The following NEGR1 variants were observed in gnomAD, a reference collection of about 807,000 sequenced individuals.
NEGR1 encodes neuronal growth regulator 1.
NEGR1 carries 10 observed loss-of-function variants against 40.9 expected under a neutral mutation model. The ratio of observed to expected loss-of-function variants is 0.24; its 90% CI spans 0.15 to 0.42. NEGR1 has a LOEUF of 0.42. Among genes scored for constraint, NEGR1 ranks in the 10% least tolerant of loss-of-function variants. NEGR1 has a pLI of 1.00. For synonymous variants in NEGR1, 185 were observed against 166.8 expected (o/e 1.11, Z -0.84); for missense variants, 352 against 438.9 (o/e 0.80, Z 1.77).
intron 2 of NEGR1, among the ~76,000 whole-genome samples, chr1:71,791,995 G>T (rs1657136440): frequency 6.6e-6 from 1 of 152,088 alleles, no homozygotes; most frequent in Admixed American, 6.6e-5. Flanking sequence ...TAGCTTTACA[G>T]CTCAACTTGG....
intron 1 of NEGR1, among the ~76,000 whole-genome samples, chr1:72,016,360 G>A (rs1344347820): frequency 6.6e-6 from 1 of 152,224 alleles, no homozygotes; most frequent in South Asian, 2.1e-4. Context: ...GATTAGTGAC[G>A]TTAACTCTTT....
chr1:72,263,262 G>A (rs948362152), intron 1 of NEGR1, among the ~76,000 whole-genome samples: 4 of 151,462 alleles, frequency 2.6e-5, no homozygotes, highest in African/African-American at 9.7e-5. Flanking sequence ...AACAGACTCT[G>A]CTAATCTCAA....
intron 3 of NEGR1, among the ~76,000 whole-genome samples, chr1:71,763,837 C>T (rs547992464): frequency 7.9e-5 from 12 of 151,946 alleles, no homozygotes; most frequent in Middle Eastern, 3.4e-3. Context: ...AAAACACTTG[C>T]TTGTGTGAAT....
chr1:72,259,983 T>C lies in NEGR1; in HGVS notation c.176+22336A>G, dbSNP rs971150237. Among the ~76,000 whole-genome samples, 10 of 152,246 alleles carry C rather than the reference T, an allele frequency of 6.6e-5. No individual in the cohort carries two copies. The South Asian group carries it at 1.0e-3, about 16-fold the overall frequency. ...TTCTCATTTAAAGTGATTTCTAAAATAATCAGCTGAAATATAACTTTAAAA... is the reference window on the plus strand; with the variant it reads ...TTCTCATTTAAAGTGATTTCTAAAACAATCAGCTGAAATATAACTTTAAAA... On this transcript the variant is annotated intron_variant, in intron 1 of 6. Transcript: ENST00000357731.
intron 1 of NEGR1, among the ~76,000 whole-genome samples, chr1:72,130,707 C>T (rs908070733): frequency 3.3e-5 from 5 of 152,146 alleles, no homozygotes; most frequent in Non-Finnish European, 7.4e-5. Context: ...CTATTAATTT[C>T]CTGCTTATTC....
intron 1 of NEGR1, among the ~76,000 whole-genome samples, chr1:72,185,033 T>G (rs1355306050): frequency 6.6e-6 from 1 of 151,912 alleles, no homozygotes; most frequent in Non-Finnish European, 1.5e-5. Flanking sequence ...AAAGCCAGGA[T>G]AAACAACACT....
At chr1:72,011,543 T>A (rs1646657423) in intron 1 of NEGR1, among the ~76,000 whole-genome samples, 1 of 152,004 alleles carries the variant, frequency 6.6e-6, no homozygotes, top group African/African-American at 2.4e-5. Context: ...TCGCCATAGA[T>A]CAAGCAAGAT....
chr1:72,144,545 A>T (rs775000677), intron 1 of NEGR1, among the ~76,000 whole-genome samples: 1 of 148,526 alleles, frequency 6.7e-6, no homozygotes, highest in South Asian at 2.2e-4. Context: ...TCATGATTAG[A>T]GAGACATATA....
chr1:71,638,811 G>A (rs562781697), intron 4 of NEGR1, among the ~76,000 whole-genome samples: 38 of 151,846 alleles, frequency 2.5e-4, no homozygotes, highest in African/African-American at 8.2e-4. Flanking sequence ...CCATGTGTCC[G>A]CAATGCAAGC....
intron 6 of NEGR1, among the ~76,000 whole-genome samples, chr1:71,529,776 T>A (rs1198429502): frequency 6.6e-6 from 1 of 151,196 alleles, no homozygotes; most frequent in Non-Finnish European, 1.5e-5. Flanking sequence ...ATTCACCATA[T>A]ATCTCATTCA....
chr1:71,678,563 T>C (rs996344610), intron 4 of NEGR1, among the ~76,000 whole-genome samples: 1 of 152,214 alleles, frequency 6.6e-6, no homozygotes, highest in East Asian at 1.9e-4. Context: ...AGAGCAAGTC[T>C]AGTTTAAATG....
chr1:72,023,116 C>T (rs1646775548), intron 1 of NEGR1, among the ~76,000 whole-genome samples: 1 of 152,122 alleles, frequency 6.6e-6, no homozygotes, highest in Admixed American at 6.5e-5. Flanking sequence ...TTCCTTTCCT[C>T]AATTCACTGT....
chr1:71,796,387 A>G (rs908773085), intron 2 of NEGR1, among the ~76,000 whole-genome samples: 1 of 152,168 alleles, frequency 6.6e-6, no homozygotes, highest in Admixed American at 6.6e-5. Flanking sequence ...GTAATTTTGG[A>G]GGTAGTGATA....
chr1:71,657,082 G>C (rs1272368911), intron 4 of NEGR1, among the ~76,000 whole-genome samples: 1 of 152,302 alleles, frequency 6.6e-6, no homozygotes, highest in South Asian at 2.1e-4. Flanking sequence ...ACTGTAGTTT[G>C]ATAAAGGAAA....
At position 72,277,886 on chromosome 1, in the gene NEGR1, C is replaced by A. The variant is rs375185997; in HGVS notation, c.176+4433G>T. 2.0e-4 allele frequency among the ~76,000 whole-genome samples: 30 copies of A among 151,960 alleles called. 1 individual carries two copies. Among genetic ancestry groups the A allele is most frequent in the Admixed American group, 2.0e-3 (30 of 15,244 alleles). On this transcript the variant is annotated intron_variant, in intron 1 of 6. Coordinates refer to ENST00000357731, the MANE Select transcript of NEGR1 (RefSeq NM_173808.3). Reference sequence around the variant, plus strand: ...TCTTGAATATTATTCCAAAAGTACACCATAATTGATTTTTACTGCTATTGG... The same window carrying A: ...TCTTGAATATTATTCCAAAAGTACAACATAATTGATTTTTACTGCTATTGG...
intron 1 of NEGR1, among the ~76,000 whole-genome samples, chr1:72,225,335 T>A (rs919332679): frequency 2.0e-5 from 3 of 151,982 alleles, no homozygotes; most frequent in Admixed American, 2.0e-4. Flanking sequence ...TGAGGTAAGA[T>A]CATGGTATAT....
intron 4 of NEGR1, among the ~76,000 whole-genome samples, chr1:71,675,417 G>A (rs1324830253): frequency 6.6e-6 from 1 of 150,450 alleles, no homozygotes; most frequent in Admixed American, 6.7e-5. Flanking sequence ...ATATATAGAT[G>A]TAGATATATA....
chr1:72,226,691 T>C (rs1570146334), intron 1 of NEGR1, among the ~76,000 whole-genome samples: 1 of 152,148 alleles, frequency 6.6e-6, no homozygotes, highest in East Asian at 1.9e-4. Context: ...TCCTCAAATA[T>C]TATTCATTGA....
chr1:71,762,061 G>A (rs922295266), intron 3 of NEGR1, among the ~76,000 whole-genome samples: 1 of 151,996 alleles, frequency 6.6e-6, no homozygotes, highest in African/African-American at 2.4e-5. Context: ...AGGGCACTAA[G>A]TTTTCTATAC....
Sources: allele counts gnomAD v4.1 joint callset (sites outside exome capture counted in the v4.1 genomes callset), GRCh38; gene constraint gnomAD v4.1.1; transcripts MANE v1.5; gene names NCBI Gene and HGNC (gene_info 2026-07-23, HGNC 2026-07-21).